Variants in CLSTN2 observed in about 807,000 individuals in gnomAD.
CLSTN2 encodes the protein calsyntenin-2.
In CLSTN2, 48 loss-of-function variants were observed where a neutral mutation model predicts 101.2. The observed-to-expected ratio is 0.47, with a 90% CI of 0.38 to 0.60. The LOEUF (loss-of-function observed/expected upper bound fraction) is 0.60, where lower values mean the gene tolerates loss of function less well. Among genes scored for constraint, CLSTN2 ranks in the 20% least tolerant of loss-of-function variants. The pLI is 0.00. For missense variants in CLSTN2, 1,160 were observed against 1,238.2 expected (o/e 0.94, Z 0.95); for synonymous variants, 481 against 463.6 (o/e 1.04, Z -0.48).
In CLSTN2 at chr3:140,107,438, G is replaced by C. The variant is rs142121516; in HGVS notation, c.110-68513G>C. On this transcript the variant is annotated intron_variant, in intron 1 of 16. Coordinates refer to ENST00000458420, the MANE Select transcript of CLSTN2 (RefSeq NM_022131.3). Reference sequence around the variant, plus strand: ...GACACCCAAGAACAACTCCAGAAAAGAGTCTTGCAGGGTGGATTTTCAGGG... The same window carrying C: ...GACACCCAAGAACAACTCCAGAAAACAGTCTTGCAGGGTGGATTTTCAGGG... 3.6e-3 allele frequency among the ~76,000 whole-genome samples: 555 copies of C among 152,252 alleles called. 4 individuals are homozygous for C. Among genetic ancestry groups the C allele is most frequent in the Non-Finnish European group, 5.7e-3 (385 of 68,014 alleles).
intron 2 of CLSTN2, among the ~76,000 whole-genome samples, chr3:140,357,555 C>T (rs929796697): frequency 6.6e-6 from 1 of 152,126 alleles, no homozygotes; most frequent in Non-Finnish European, 1.5e-5. Flanking sequence ...ACCTGGAGTG[C>T]TCACTTTAGC....
intron 8 of CLSTN2, among the ~76,000 whole-genome samples, chr3:140,527,709 C>A (rs1191554910): frequency 6.6e-6 from 1 of 152,162 alleles, no homozygotes; most frequent in East Asian, 1.9e-4. Flanking sequence ...AAATGTGGTA[C>A]ATATACACCA....
chr3:140,299,795 C>G (rs939753589), intron 2 of CLSTN2, among the ~76,000 whole-genome samples: 2 of 152,200 alleles, frequency 1.3e-5, no homozygotes, highest in African/African-American at 4.8e-5. Context: ...TTCTATCACA[C>G]TAGCAAGTTT....
Position 140,562,227 on chromosome 3 carries a change from G to C in CLSTN2, c.2131G>C (p.Glu711Gln). The change falls in exon 13 of 17, where the codon GAG (glutamate) becomes CAG (glutamine). Residue 711 changes from glutamate (E) to glutamine (Q), a missense_variant. Physicochemically the swap from Glu to Gln is conservative, Grantham distance 29. Transcript: ENST00000458420. ...CGGAGGGGACTTGGACCCAAGGCAGGAGTGCTTGGAGCTCAACCACAGTGA... is the reference window on the plus strand; with the variant it reads ...CGGAGGGGACTTGGACCCAAGGCAGCAGTGCTTGGAGCTCAACCACAGTGA... ...VIGGDLDPRQ[E>Q]CLELNHSELH... The C allele has an allele frequency of 6.2e-7, 1 of 1,613,914 alleles. No homozygotes were observed. Among genetic ancestry groups the C allele is most frequent in the Non-Finnish European group, 8.5e-7 (1 of 1,179,832 alleles).
intron 2 of CLSTN2, among the ~76,000 whole-genome samples, chr3:140,392,221 A>T (rs191600228): frequency 6.6e-6 from 1 of 151,252 alleles, no homozygotes; most frequent in East Asian, 1.9e-4. Flanking sequence ...CACATTTAAA[A>T]AAAAGAAATA....
At chr3:140,105,381 C>T (rs1002192671) in intron 1 of CLSTN2, among the ~76,000 whole-genome samples, 2 of 152,162 alleles carry the variant, frequency 1.3e-5, no homozygotes, top group African/African-American at 4.8e-5. Context: ...ACTCTCACTC[C>T]AAACATCTAA....
At chr3:140,074,557 G>T (rs540650250) in intron 1 of CLSTN2, among the ~76,000 whole-genome samples, 29 of 152,278 alleles carry the variant, frequency 1.9e-4, no homozygotes, top group African/African-American at 7.0e-4. Context: ...GTTAACAGAG[G>T]TGTAAAAATA....
At chr3:140,092,189 T>G (rs2008790302) in intron 1 of CLSTN2, among the ~76,000 whole-genome samples, 1 of 152,120 alleles carries the variant, frequency 6.6e-6, no homozygotes, top group Non-Finnish European at 1.5e-5. Context: ...TTAGAAGTGT[T>G]TAGGAATTGG....
intron 1 of CLSTN2, among the ~76,000 whole-genome samples, chr3:139,962,412 C>T (rs566007575): frequency 4.5e-4 from 68 of 152,210 alleles, no homozygotes; most frequent in Admixed American, 9.2e-4. Flanking sequence ...TTTCTAATTT[C>T]CTTTTGTAAT....
chr3:140,448,082 G>A (rs1029397880), intron 5 of CLSTN2, among the ~76,000 whole-genome samples: 1 of 152,208 alleles, frequency 6.6e-6, no homozygotes, highest in African/African-American at 2.4e-5. Flanking sequence ...GTTGCCTCTG[G>A]TGTGTTGTTG....
intron 2 of CLSTN2, among the ~76,000 whole-genome samples, chr3:140,357,649 C>A (rs77036015): frequency 1.3e-5 from 2 of 151,908 alleles, no homozygotes; most frequent in Non-Finnish European, 2.9e-5. Flanking sequence ...GAAAAGAGGC[C>A]GCCAGGAAAG....
intron 1 of CLSTN2, among the ~76,000 whole-genome samples, chr3:139,955,112 C>CTATATATATA (rs58418059): frequency 0.099 from 7,052 of 71,194 alleles, 859 homozygotes; most frequent in Middle Eastern, 0.18. Context: ...GGCAATATTG[C>CTATATATATA]TATATATATA....
intron 2 of CLSTN2, among the ~76,000 whole-genome samples, chr3:140,320,812 A>C (rs188962358): frequency 5.1e-4 from 78 of 152,304 alleles, no homozygotes; most frequent in African/African-American, 1.8e-3. Context: ...AGCCTCAAGC[A>C]GTTTCAGAAA....
At chr3:140,424,173 C>T (rs1293657672) in intron 5 of CLSTN2, among the ~76,000 whole-genome samples, 1 of 152,200 alleles carries the variant, frequency 6.6e-6, no homozygotes, top group African/African-American at 2.4e-5. Flanking sequence ...GCAATTCCTT[C>T]CTGCCTAAAG....
At chr3:140,102,014 G>A (rs2008974210) in intron 1 of CLSTN2, among the ~76,000 whole-genome samples, 1 of 152,174 alleles carries the variant, frequency 6.6e-6, no homozygotes. Flanking sequence ...AGTGTCTATA[G>A]CTAAATTCTA....
intron 5 of CLSTN2, among the ~76,000 whole-genome samples, chr3:140,437,518 C>T (rs952366863): frequency 2.0e-5 from 3 of 152,214 alleles, no homozygotes; most frequent in Non-Finnish European, 2.9e-5. Flanking sequence ...CTCTCAGCCT[C>T]CTTGGGTTTC....
chr3:139,987,521 C>A (rs72979892), intron 1 of CLSTN2, among the ~76,000 whole-genome samples: 7,429 of 152,310 alleles, frequency 0.049, 202 homozygotes, highest in African/African-American at 0.066. Flanking sequence ...AACAGGGTCT[C>A]TTTCCAAAAG....
intron 8 of CLSTN2, among the ~76,000 whole-genome samples, chr3:140,467,415 T>C (rs1576584431): frequency 6.6e-6 from 1 of 152,322 alleles, no homozygotes; most frequent in Non-Finnish European, 1.5e-5. Context: ...AGACTAGAGT[T>C]GGCCTTTGCT....
At chr3:140,368,667 A>G (rs535177721) in intron 2 of CLSTN2, among the ~76,000 whole-genome samples, 86 of 152,254 alleles carry the variant, frequency 5.6e-4, no homozygotes, top group South Asian at 4.8e-3. Context: ...CAGGTAGGGA[A>G]TTACACAAAG....
Sources: gnomAD v4.1 joint callset for allele counts (sites outside exome capture counted in the v4.1 genomes callset) on GRCh38, gnomAD v4.1.1 for gene constraint, MANE v1.5 for transcripts, NCBI Gene and HGNC (gene_info 2026-07-23, HGNC 2026-07-21) for gene names.